Variants in PITPNC1 observed in about 807,000 individuals in gnomAD.
PITPNC1 encodes the protein phosphatidylinositol transfer protein cytoplasmic 1.
Under a neutral mutation model 44.7 loss-of-function variants are expected in PITPNC1, and 18 were observed. That is an observed-to-expected ratio of 0.40 (90% CI 0.28 to 0.60). The LOEUF (loss-of-function observed/expected upper bound fraction) is 0.60, where lower values mean the gene tolerates loss of function less well. Ranked by LOEUF, PITPNC1 falls within the 20% of genes least tolerant of loss-of-function variation. The probability of loss-of-function intolerance (pLI) is 0.39; values close to 1 mark genes in which losing one functional copy is unlikely to be tolerated. For missense variants in PITPNC1, 290 were observed against 418.4 expected, an observed-to-expected ratio of 0.69 and a Z score of 2.68; for synonymous variants, 141 against 149.6, an observed-to-expected ratio of 0.94 and a Z score of 0.42.
chr17:67,428,660 A>G (rs138931479), intron 1 of PITPNC1, among the ~76,000 whole-genome samples: 31 of 152,288 alleles, frequency 2.0e-4, no homozygotes, highest in Non-Finnish European at 4.0e-4. Context: ...GTGTTTTACA[A>G]ATATTTAATA....
chr17:67,487,171 C>T (rs1200204455), intron 1 of PITPNC1, among the ~76,000 whole-genome samples: 1 of 152,096 alleles, frequency 6.6e-6, no homozygotes, highest in African/African-American at 2.4e-5. Context: ...CCAACCACTT[C>T]CCTTTTTTGT....
At chr17:67,424,189 G>A (rs2038711430) in intron 1 of PITPNC1, among the ~76,000 whole-genome samples, 1 of 151,954 alleles carries the variant, frequency 6.6e-6, no homozygotes. Flanking sequence ...GAATGGTATG[G>A]TAGAAGCCAA....
intron 1 of PITPNC1, among the ~76,000 whole-genome samples, chr17:67,411,022 C>T (rs2038488095): frequency 6.7e-6 from 1 of 149,506 alleles, no homozygotes; most frequent in South Asian, 2.1e-4. Flanking sequence ...GCGGAGGTTG[C>T]AGTGAGCCGA....
chr17:67,459,001 GTTCTCCTA>G (rs1194343668), intron 1 of PITPNC1, among the ~76,000 whole-genome samples: 2 of 150,396 alleles, frequency 1.3e-5, no homozygotes, highest in Non-Finnish European at 2.9e-5. Flanking sequence ...ACACAAAATT[GTTCTCCTA>G]GACCCCTGTA....
At position 67,378,029 on chromosome 17, in the gene PITPNC1, G is replaced by A. The variant is rs748306115; in HGVS notation, c.-126G>A. On this transcript the variant is annotated 5_prime_UTR_variant, in exon 1 of 9. Transcript: ENST00000581322. Reference sequence around the variant, plus strand: ...AGCCAGGAGCTGAGCGCGCCGCGGGGGCTGCTTCGCCCTCCGGCTCCGAGC... The same window carrying A: ...AGCCAGGAGCTGAGCGCGCCGCGGGAGCTGCTTCGCCCTCCGGCTCCGAGC... The A allele has an allele frequency of 9.3e-5, 46 of 492,064 alleles. No individual in the cohort carries two copies. Among genetic ancestry groups the A allele is most frequent in the Non-Finnish European group, 1.2e-4 (35 of 291,354 alleles). 30.5% of individuals were successfully genotyped at this position (492,064 alleles called of 1,614,324 possible).
chr17:67,475,197 G>T (rs1474904988), intron 1 of PITPNC1, among the ~76,000 whole-genome samples: 1 of 152,168 alleles, frequency 6.6e-6, no homozygotes, highest in Non-Finnish European at 1.5e-5. Context: ...CGTGGTTCTA[G>T]CCTTCCTCGC....
intron 2 of PITPNC1, among the ~76,000 whole-genome samples, chr17:67,538,438 A>C (rs2040559204): frequency 6.6e-6 from 1 of 152,140 alleles, no homozygotes; most frequent in Non-Finnish European, 1.5e-5. Flanking sequence ...CATCTCCACA[A>C]AAAATACAAA....
rs1286397737 is a variant in PITPNC1 at position 67,697,024 on chromosome 17, G to T, written c.*4136G>T. ...AATTTGTAGTGTTTACATTCAAGCT[G>T]GGATCTTGATTGGTTAAATTAATCC... is the stretch of plus-strand genomic sequence containing the variant. On this transcript the variant is annotated 3_prime_UTR_variant, in exon 9 of 9. Coordinates refer to ENST00000581322, the MANE Select transcript of PITPNC1 (RefSeq NM_012417.4). 2 of 152,158 alleles carry T rather than the reference G, an allele frequency of 1.3e-5. No individual in the cohort carries two copies. Among genetic ancestry groups the T allele is most frequent in the African/African-American group, 4.8e-5 (2 of 41,416 alleles). The allele number at this position is 152,158 out of a possible 1,614,324, so 9.4% of individuals were successfully genotyped here.
At chr17:67,607,968 G>A (rs956175213) in intron 5 of PITPNC1, among the ~76,000 whole-genome samples, 3 of 151,786 alleles carry the variant, frequency 2.0e-5, no homozygotes, top group Admixed American at 1.3e-4. Context: ...GACCTCAGGC[G>A]ATTCACCCAC....
In PITPNC1 at chr17:67,508,497, G is replaced by C. The variant is rs1273469648; in HGVS notation, c.49-24305G>C. ...TCACTCCTGTCGCCATCTTGGTTTT[G>C]GTGGGTTTTACCTGGGTTCTCTACT... On this transcript the variant is annotated intron_variant, in intron 1 of 8. Transcript: ENST00000581322. The surrounding 1 kb of genome is among the most constrained non-coding windows in gnomAD (Gnocchi z 4.2). Among the ~76,000 whole-genome samples, 1 of 152,142 alleles carries C rather than the reference G, an allele frequency of 6.6e-6. No individual in the cohort carries two copies. Among genetic ancestry groups the C allele is most frequent in the Non-Finnish European group, 1.5e-5 (1 of 68,040 alleles).
chr17:67,624,211 TTTC>T, intron 5 of PITPNC1, among the ~76,000 whole-genome samples: 3 of 65,228 alleles, frequency 4.6e-5, no homozygotes, highest in African/African-American at 2.5e-4. Flanking sequence ...CTTTCTTTCT[TTTC>T]TTTTTTTTTT....
chr17:67,435,095 C>T lies in PITPNC1; in HGVS notation c.48+56893C>T, dbSNP rs559924599. On this transcript the variant is annotated intron_variant, in intron 1 of 8. Transcript: ENST00000581322. ...CTGCACTCCAGCCTGGGTGACAGAG[C>T]GAGACTCCATCTCAAAAAAAAAAAA... Among the ~76,000 whole-genome samples, 134 of 121,564 alleles carry T rather than the reference C, an allele frequency of 1.1e-3. 1 individual carries two copies. In the South Asian group the frequency reaches 0.016, roughly 15 times the overall value. The allele number at this position is 121,564 out of a possible 152,430, so 79.8% of individuals were successfully genotyped here.
At chr17:67,537,798 C>T (rs1014555435) in intron 2 of PITPNC1, among the ~76,000 whole-genome samples, 5 of 126,908 alleles carry the variant, frequency 3.9e-5, no homozygotes, top group Non-Finnish European at 8.3e-5. Flanking sequence ...GGTGGAACCC[C>T]GTCTCTACTA....
chr17:67,397,407 C>T (rs1032989078), intron 1 of PITPNC1, among the ~76,000 whole-genome samples: 1 of 152,180 alleles, frequency 6.6e-6, no homozygotes, highest in Admixed American at 6.5e-5. Flanking sequence ...ATGGCCACCT[C>T]AGTGCTGTCC....
intron 5 of PITPNC1, among the ~76,000 whole-genome samples, chr17:67,622,223 C>T (rs1274312077): frequency 6.9e-6 from 1 of 144,816 alleles, no homozygotes; most frequent in Non-Finnish European, 1.5e-5. Context: ...CGCCACTGCA[C>T]TCCAGCCTGG....
Position 67,564,049 on chromosome 17 carries a change from A to AT in PITPNC1, c.294+10434dup, listed in dbSNP as rs745786667. ...ATGATAGATATTAATAGATAGATTG[A>AT]TTAGATAGGTAGATTGGATGGATGG... On this transcript the variant is annotated intron_variant, in intron 4 of 8. Transcript: ENST00000581322. Among the ~76,000 whole-genome samples, 16 of 152,286 alleles carry AT rather than the reference A, an allele frequency of 1.1e-4. 1 individual carries two copies. In the East Asian group the frequency reaches 3.1e-3, roughly 29 times the overall value.
chr17:67,620,462 G>A (rs376318337), intron 5 of PITPNC1, among the ~76,000 whole-genome samples: 16 of 152,218 alleles, frequency 1.1e-4, no homozygotes, highest in African/African-American at 3.1e-4. Context: ...AGCCAGTCTC[G>A]CGGAGATCTG....
chr17:67,498,205 T>G (rs2039981641), intron 1 of PITPNC1, among the ~76,000 whole-genome samples: 1 of 152,194 alleles, frequency 6.6e-6, no homozygotes, highest in Non-Finnish European at 1.5e-5. Flanking sequence ...GTATATCATC[T>G]TCAGAAACTG....
At chr17:67,410,463 A>G (rs2038478306) in intron 1 of PITPNC1, among the ~76,000 whole-genome samples, 1 of 152,154 alleles carries the variant, frequency 6.6e-6, no homozygotes, top group African/African-American at 2.4e-5. Context: ...AGCTCACTGC[A>G]GCTGCGACCT....
Sources: allele counts gnomAD v4.1 joint callset (sites outside exome capture counted in the v4.1 genomes callset), GRCh38; gene constraint gnomAD v4.1.1; non-coding constraint Gnocchi (gnomAD v3.1); transcripts MANE v1.5; gene names NCBI Gene and HGNC (gene_info 2026-07-23, HGNC 2026-07-21).